Variants in ZYG11B observed in about 807,000 individuals in gnomAD.
The protein encoded by ZYG11B is protein zyg-11 homolog B.
ZYG11B carries 36 observed loss-of-function variants against 82.4 expected under a neutral mutation model. That is an observed-to-expected ratio of 0.44 (90% CI 0.33 to 0.58). The LOEUF (loss-of-function observed/expected upper bound fraction) is 0.58. Among genes scored for constraint, ZYG11B ranks in the 20% least tolerant of loss-of-function variants. ZYG11B has a pLI of 0.02. For missense variants in ZYG11B, 552 were observed against 895.6 expected (o/e 0.62, Z 4.90); for synonymous variants, 303 against 312.8 (o/e 0.97, Z 0.33).
chr1:52,819,990 C>T (rs1207769330), intron 13 of ZYG11B, among the ~76,000 whole-genome samples: 2 of 151,000 alleles, frequency 1.3e-5, no homozygotes, highest in East Asian at 4.1e-4. Flanking sequence ...TCTCGGCTCA[C>T]TGCAAGCTCC....
At chr1:52,740,970 C>T (rs1464212099) in intron 1 of ZYG11B, among the ~76,000 whole-genome samples, 1 of 151,836 alleles carries the variant, frequency 6.6e-6, no homozygotes, top group Non-Finnish European at 1.5e-5. Context: ...ATGTTTATTT[C>T]TGGAAGCCTG....
intron 4 of ZYG11B, among the ~76,000 whole-genome samples, chr1:52,784,433 G>A (rs755749861): frequency 5.3e-5 from 8 of 152,212 alleles, no homozygotes; most frequent in Non-Finnish European, 1.2e-4. Context: ...TGAGGGCAGA[G>A]GAAAAAGTGA....
At position 52,771,194 on chromosome 1, in the gene ZYG11B, T is replaced by A; in HGVS notation, c.371T>A (p.Ile124Asn). 1 of 1,614,210 alleles carries A rather than the reference T, an allele frequency of 6.2e-7. No homozygotes were observed. Among genetic ancestry groups the A allele is most frequent in the Non-Finnish European group, 8.5e-7 (1 of 1,180,026 alleles). The part of the protein sequence containing the change: ...GVNADITITD[I>N]ISGLGSNKWI... ...AATGCTGATATCACGATTACAGACA[T>A]TATCAGTGGGCTTGGCAGTAACAAA... Residue 124 changes from isoleucine to asparagine, a missense_variant, in exon 3 of 14, where the codon ATT (isoleucine) becomes AAT (asparagine). Physicochemically the swap from Ile to Asn is moderately radical, Grantham distance 149. Transcript: ENST00000294353. This position sits in a 1 kb window ranked among gnomAD's most constrained non-coding sequence, Gnocchi z 5.4.
At position 52,821,604 on chromosome 1, in the gene ZYG11B, A is replaced by C. The variant is rs1558146563; in HGVS notation, c.2210A>C (p.Lys737Thr). The change falls in exon 14 of 14, where the codon AAA (lysine) becomes ACA (threonine). Residue 737 changes from lysine to threonine, a missense_variant. Around this residue, in one of 3 missense-constraint regions of ZYG11B, gnomAD observed 127 missense variants for 163.4 expected, o/e 0.78. Transcript: ENST00000294353. Reference protein sequence around the residue: ...VRHGRPPPCKKQPQARLN With the variant: ...VRHGRPPPCKTQPQARLN ...CATGGGAGGCCACCTCCCTGTAAAA[A>C]ACAGCCCCAAGCCAGACTAAATTGA... is the stretch of plus-strand genomic sequence containing the variant. The C allele has an allele frequency of 6.2e-7, 1 of 1,613,628 alleles. No individual in the cohort carries two copies.
intron 2 of ZYG11B, among the ~76,000 whole-genome samples, chr1:52,757,929 C>T (rs1385462942): frequency 6.6e-6 from 1 of 151,628 alleles, no homozygotes; most frequent in East Asian, 2.0e-4. Context: ...TGGCCGGGCG[C>T]AGTGGCTCAC....
chr1:52,732,592 C>T (rs1644341379), intron 1 of ZYG11B, among the ~76,000 whole-genome samples: 1 of 152,082 alleles, frequency 6.6e-6, no homozygotes, highest in Admixed American at 6.6e-5. Flanking sequence ...AAAAGACACC[C>T]CGTCTCTACT....
In ZYG11B at chr1:52,821,722, C is replaced by T; in HGVS notation, c.*93C>T. The T allele has an allele frequency of 8.2e-7, 1 of 1,222,166 alleles. No individual in the cohort carries two copies. Among genetic ancestry groups the T allele is most frequent in the Non-Finnish European group, 1.1e-6 (1 of 879,938 alleles). The allele number at this position is 1,222,166 out of a possible 1,614,324, so 75.7% of individuals were successfully genotyped here. A position where few individuals can be genotyped will look rare whatever the true frequency, so the allele number is the denominator to read the frequency against. ...ACCCTCCCTGATGTTTTGGGGGTTT[C>T]TATGACAAGAGTCATAAAATCAGTT... On this transcript the variant is annotated 3_prime_UTR_variant, in exon 14 of 14. Transcript: ENST00000294353.
chr1:52,796,927 AT>A (rs1645014679), intron 8 of ZYG11B, 143 bp downstream of exon 8: 1 of 106,960 alleles, frequency 9.3e-6, no homozygotes, highest in East Asian at 2.5e-4. Flanking sequence ...ATTATATATA[AT>A]TATATATTAT....
chr1:52,755,602 A>G (rs1644569219), intron 1 of ZYG11B, among the ~76,000 whole-genome samples: 1 of 151,884 alleles, frequency 6.6e-6, no homozygotes, highest in Non-Finnish European at 1.5e-5. Flanking sequence ...CCCAGGTTCA[A>G]GCAGTTCTCC....
chr1:52,811,899 C>T (rs959184967), intron 10 of ZYG11B, among the ~76,000 whole-genome samples: 64 of 152,128 alleles, frequency 4.2e-4, no homozygotes, highest in African/African-American at 1.3e-3. Flanking sequence ...GGCATGGTAG[C>T]GGTTGCCTGT....
intron 5 of ZYG11B, 112 bp downstream of exon 5, chr1:52,785,165 G>A: frequency 8.6e-7 from 1 of 1,167,830 alleles, no homozygotes; most frequent in South Asian, 1.6e-5. Context: ...TGGAGGCTGT[G>A]GTATGACTGA....
intron 8 of ZYG11B, 35 bp downstream of exon 8, chr1:52,796,819 A>G: frequency 7.4e-7 from 1 of 1,348,520 alleles, no homozygotes; most frequent in Non-Finnish European, 9.6e-7. Flanking sequence ...AGGCCACTAG[A>G]TATTCATGTT....
intron 2 of ZYG11B, among the ~76,000 whole-genome samples, chr1:52,760,222 C>G (rs1009172865): frequency 1.3e-5 from 2 of 152,166 alleles, no homozygotes; most frequent in African/African-American, 4.8e-5. Flanking sequence ...GCAGGCGATC[C>G]GCCTGAGGTC....
At chr1:52,783,898 G>GTGTGTATCTACATCTATACATATA (rs1644886047) in intron 4 of ZYG11B, among the ~76,000 whole-genome samples, 1 of 98,706 alleles carries the variant, frequency 1.0e-5, no homozygotes, top group Non-Finnish European at 1.7e-5. Context: ...ACATACACGT[G>GTGTGTATCTACATCTATACATATA]TGTGTATATA....
intron 2 of ZYG11B, among the ~76,000 whole-genome samples, chr1:52,762,491 G>A (rs1388583020): frequency 6.6e-6 from 1 of 151,804 alleles, no homozygotes; most frequent in Non-Finnish European, 1.5e-5. Flanking sequence ...TTACAGGCAT[G>A]AGCCACCGTG....
At chr1:52,803,099 C>CACACATATAT (rs1558139992) in intron 10 of ZYG11B, among the ~76,000 whole-genome samples, 7 of 10,794 alleles carry the variant, frequency 6.5e-4, no homozygotes, top group Non-Finnish European at 1.1e-3. Flanking sequence ...TATATATATA[C>CACACATATAT]ATATATATAT....
intron 1 of ZYG11B, among the ~76,000 whole-genome samples, chr1:52,752,339 A>G (rs551953020): frequency 6.6e-6 from 1 of 152,326 alleles, no homozygotes; most frequent in East Asian, 1.9e-4. Context: ...AGGAGCTTGA[A>G]GCTTCCATGC....
chr1:52,807,509 T>TTG (rs1645151012), intron 10 of ZYG11B, among the ~76,000 whole-genome samples: 1 of 149,804 alleles, frequency 6.7e-6, no homozygotes, highest in Non-Finnish European at 1.5e-5. Context: ...TTTTTTTTTT[T>TTG]GAGACAGGTT....
At chr1:52,788,652 G>A (rs759698440) in intron 5 of ZYG11B, among the ~76,000 whole-genome samples, 4 of 152,136 alleles carry the variant, frequency 2.6e-5, no homozygotes, top group Admixed American at 1.3e-4. Context: ...TCACTTGAGT[G>A]CCAGGAGTTT....
Sources: gnomAD v4.1 joint callset for allele counts (sites outside exome capture counted in the v4.1 genomes callset) on GRCh38, gnomAD v4.1.1 for gene constraint, gnomAD v4.1.1 regional missense constraint, Gnocchi (gnomAD v3.1) non-coding constraint, MANE v1.5 for transcripts, NCBI Gene and HGNC (gene_info 2026-07-23, HGNC 2026-07-21) for gene names.